Variants in TRPV4 observed in about 807,000 individuals in gnomAD.
TRPV4 encodes the protein transient receptor potential cation channel subfamily V member 4.
Under a neutral mutation model 84.1 loss-of-function variants are expected in TRPV4, and 58 were observed. The observed-to-expected ratio is 0.69, with a 90% confidence interval of 0.56 to 0.86. The LOEUF (loss-of-function observed/expected upper bound fraction) is 0.86, where lower values mean the gene tolerates loss of function less well. Among genes scored for constraint, TRPV4 ranks in the 40% least tolerant of loss-of-function variants. The pLI is 0.00. For synonymous variants in TRPV4, 489 were observed against 500.9 expected (o/e 0.98, Z 0.32); for missense variants, 879 against 1,181.1 (o/e 0.74, Z 3.75).
At chr12:109,825,153 G>A (rs553256670) in intron 1 of TRPV4, among the ~76,000 whole-genome samples, 1 of 152,088 alleles carries the variant, frequency 6.6e-6, no homozygotes, top group African/African-American at 2.4e-5. Flanking sequence ...ACCAGCCTGG[G>A]CAAAATGGTG....
At chr12:109,829,815 G>C (rs778109688) in intron 1 of TRPV4, among the ~76,000 whole-genome samples, 6 of 152,350 alleles carry the variant, frequency 3.9e-5, no homozygotes, top group Middle Eastern at 3.4e-3. Context: ...GCCCAGGCCT[G>C]TCTGCAGTTC....
intron 13 of TRPV4, 77 bp downstream of exon 13, chr12:109,788,323 A>C: frequency 6.9e-7 from 1 of 1,440,204 alleles, no homozygotes; most frequent in Non-Finnish European, 9.5e-7. Context: ...TGGAAGGCCG[A>C]GGAAGCCAGT....
Position 109,783,504 on chromosome 12 carries a change from C to T in TRPV4, c.*117G>A. 1 of 1,407,078 alleles carries T rather than the reference C, an allele frequency of 7.1e-7. No homozygotes were observed. Among genetic ancestry groups the T allele is most frequent in the Non-Finnish European group, 9.6e-7 (1 of 1,047,096 alleles). 87.2% of individuals were successfully genotyped at this position (1,407,078 alleles called of 1,614,324 possible). A position where few individuals can be genotyped will look rare whatever the true frequency, so the allele number is the denominator to read the frequency against. ...TCCTGGGGCCTCCCTGGCACCTCCACTGGTCCCTCGCCTCTGGGGCCAAAG... is the reference window on the plus strand; with the variant it reads ...TCCTGGGGCCTCCCTGGCACCTCCATTGGTCCCTCGCCTCTGGGGCCAAAG... On this transcript the variant is annotated 3_prime_UTR_variant, in exon 16 of 16. Transcript: ENST00000261740. This position sits in a 1 kb window ranked among gnomAD's most constrained non-coding sequence, Gnocchi z 4.6.
chr12:109,792,439 C>G lies in TRPV4; in HGVS notation c.1825-10G>C. On this transcript the variant is annotated splice_polypyrimidine_tract_variant and intron_variant, in intron 11 of 15. Coordinates refer to ENST00000261740, the MANE Select transcript of TRPV4 (RefSeq NM_021625.5). The stretch of plus-strand genomic sequence containing the variant: ...GGTCCTTGAAGAGAATCTAAAGACC[C>G]CAGCGGGATTATGGAGGCAAAGAGG... 6.2e-7 allele frequency: 1 copy of G among 1,613,678 alleles called. No homozygotes were observed. Among genetic ancestry groups the G allele is most frequent in the Non-Finnish European group, 8.5e-7 (1 of 1,179,822 alleles).
At chr12:109,805,501 G>C (rs2136580462) in intron 3 of TRPV4, among the ~76,000 whole-genome samples, 1 of 152,300 alleles carries the variant, frequency 6.6e-6, no homozygotes, top group East Asian at 1.9e-4. Flanking sequence ...GGGTGCTGTA[G>C]CCAGGGGCTC....
At chr12:109,800,783 G>A in intron 4 of TRPV4, 25 bp from the exon 5 acceptor site, 1 of 1,611,314 alleles carries the variant, frequency 6.2e-7, no homozygotes, top group South Asian at 1.1e-5. Flanking sequence ...CGGTCATCCA[G>A]GGTCCTGGCG....
In TRPV4 at chr12:109,797,800, A is replaced by G. The variant is rs2136511380; in HGVS notation, c.1152+814T>C. Among the ~76,000 whole-genome samples, 2 of 152,334 alleles carry G rather than the reference A, an allele frequency of 1.3e-5. 1 individual carries two copies. On this transcript the variant is annotated intron_variant, in intron 6 of 15. Transcript: ENST00000261740. ...CTCCCAACTAGCTGGCATTACAGACATGTAAGTGACACTTACTGCTTCTCC... is the reference window on the plus strand; with the variant it reads ...CTCCCAACTAGCTGGCATTACAGACGTGTAAGTGACACTTACTGCTTCTCC...
At chr12:109,802,944 C>T (rs764795042) in intron 4 of TRPV4, 47 bp downstream of exon 4, 76 of 1,601,396 alleles carry the variant, frequency 4.7e-5, no homozygotes, top group Admixed American at 2.2e-4. Context: ...CAAAGGACAG[C>T]GTCTCCATCA....
At chr12:109,792,533 T>C in intron 11 of TRPV4, 104 bp from the exon 12 acceptor site, 1 of 1,572,300 alleles carries the variant, frequency 6.4e-7, no homozygotes, top group Non-Finnish European at 8.7e-7. Flanking sequence ...GTCCAGACCA[T>C]GCCTCCTGCC....
At chr12:109,789,083 G>A (rs1424130211) in intron 12 of TRPV4, among the ~76,000 whole-genome samples, 1 of 152,042 alleles carries the variant, frequency 6.6e-6, no homozygotes, top group Non-Finnish European at 1.5e-5. Context: ...TTCCAACCTG[G>A]GACAGTTCAC....
At chr12:109,784,528 T>C in intron 14 of TRPV4, 91 bp from the exon 15 acceptor site, 4 of 1,594,334 alleles carry the variant, frequency 2.5e-6, no homozygotes, top group Non-Finnish European at 2.6e-6. Flanking sequence ...TTTTTTATTA[T>C]GGTAACATAT....
intron 11 of TRPV4, 28 bp downstream of exon 11, chr12:109,792,624 G>A (rs752610865): frequency 1.8e-4 from 297 of 1,613,734 alleles, no homozygotes; most frequent in South Asian, 1.6e-3. Flanking sequence ...AGGAACACAC[G>A]AGTCCAGAGG....
In TRPV4 at chr12:109,814,872, CG is replaced by C; in HGVS notation, c.-31-46del. The stretch of plus-strand genomic sequence containing the variant: ...GAGTCAGGCAGAACCCGGCCAGGGG[CG>C]GGGGCTCCAGGAAGCCCCCTCCCAC... On this transcript the variant is annotated intron_variant, in intron 1 of 15. Coordinates refer to ENST00000261740, the MANE Select transcript of TRPV4 (RefSeq NM_021625.5). This position sits in a 1 kb window ranked among gnomAD's most constrained non-coding sequence, Gnocchi z 5.4. 1 of 1,518,918 alleles carries C rather than the reference CG, an allele frequency of 6.6e-7. No homozygotes were observed. Among genetic ancestry groups the C allele is most frequent in the Non-Finnish European group, 8.8e-7 (1 of 1,135,562 alleles). The allele number at this position is 1,518,918 out of a possible 1,614,324, so 94.1% of individuals were successfully genotyped here.
intron 2 of TRPV4, 37 bp from the exon 3 acceptor site, chr12:109,808,505 C>A (rs1408362739): frequency 6.3e-7 from 1 of 1,590,484 alleles, no homozygotes; most frequent in Non-Finnish European, 8.6e-7. Flanking sequence ...TGGGAGGGCT[C>A]ATCCCCTGCC....
chr12:109,799,332 A>T (rs568872466), intron 5 of TRPV4, among the ~76,000 whole-genome samples: 1 of 152,130 alleles, frequency 6.6e-6, no homozygotes, highest in African/African-American at 2.4e-5. Flanking sequence ...TATTTTTAGT[A>T]GAGGCAGGAT....
In TRPV4 at chr12:109,800,735, T is replaced by G; in HGVS notation, c.736A>C (p.Ile246Leu). 6.2e-7 allele frequency: 1 copy of G among 1,611,914 alleles called. No individual in the cohort carries two copies. Among genetic ancestry groups the G allele is most frequent in the Non-Finnish European group, 8.5e-7 (1 of 1,179,432 alleles). Residue 246 changes from isoleucine to leucine, a missense_variant, in exon 5 of 16, where the codon ATT becomes CTT. By Grantham distance (5) the Ile-to-Leu change is conservative. Around this residue, in one of 4 missense-constraint regions of TRPV4, gnomAD observed 521 missense variants for 686.6 expected, o/e 0.76. Coordinates refer to ENST00000261740, the MANE Select transcript of TRPV4 (RefSeq NM_021625.5). The part of the protein sequence containing the change: ...YRGQTALHIA[I>L]ERRCKHYVEL... ...ACGTAGTGTTTGCAGCGACGCTCAA[T>G]GGCGATGTGCAGGGCTGTCTGACCT... is the stretch of plus-strand genomic sequence containing the variant.
intron 3 of TRPV4, 114 bp from the exon 4 acceptor site, chr12:109,803,257 T>A: frequency 7.9e-7 from 1 of 1,265,954 alleles, no homozygotes; most frequent in East Asian, 2.5e-5. Context: ...TGTCAACATC[T>A]CCTCTCCAAG....
intron 1 of TRPV4, among the ~76,000 whole-genome samples, chr12:109,831,457 C>T (rs187621374): frequency 2.3e-4 from 35 of 152,340 alleles, no homozygotes; most frequent in Admixed American, 2.0e-3. Flanking sequence ...AGCTCCTCCC[C>T]GGGGGGCCAC....
At chr12:109,813,133 G>A (rs1417909198) in intron 2 of TRPV4, among the ~76,000 whole-genome samples, 3 of 152,222 alleles carry the variant, frequency 2.0e-5, no homozygotes, top group Non-Finnish European at 4.4e-5. Flanking sequence ...AAGATGAGGC[G>A]GGATGCGGTG....
Sources: allele counts gnomAD v4.1 joint callset (sites outside exome capture counted in the v4.1 genomes callset), GRCh38; gene constraint gnomAD v4.1.1; regional missense constraint gnomAD v4.1.1; non-coding constraint Gnocchi (gnomAD v3.1); transcripts MANE v1.5; gene names NCBI Gene and HGNC (gene_info 2026-07-23, HGNC 2026-07-21).